Variants in TTC14 observed in about 807,000 individuals in gnomAD.
TTC14 encodes tetratricopeptide repeat protein 14.
A neutral mutation model predicts 79.9 loss-of-function variants in TTC14; 63 were observed. The observed-to-expected ratio is 0.79, with a 90% CI of 0.64 to 0.97. The LOEUF is 0.97. Ranked by LOEUF, TTC14 falls within the 50% of genes least tolerant of loss-of-function variation. TTC14 has a pLI of 0.00. For missense variants in TTC14, 895 were observed against 894.0 expected, an observed-to-expected ratio of 1.00 and a Z score of -0.01; for synonymous variants, 335 against 309.6, an observed-to-expected ratio of 1.08 and a Z score of -0.86.
At chr3:180,602,643 C>A in intron 1 of TTC14, 2 of 713,488 alleles carry the variant, frequency 2.8e-6, no homozygotes, top group South Asian at 2.0e-5. Flanking sequence ...GGTAGAGGCG[C>A]AGATTCCTTA....
chr3:180,604,332 TA>T (rs1290926805), intron 4 of TTC14, 23 bp downstream of exon 4: 1 of 1,598,472 alleles, frequency 6.3e-7, no homozygotes, highest in African/African-American at 1.3e-5. Context: ...ATCATACTAA[TA>T]AAAAAGTAAT....
intron 5 of TTC14, 118 bp downstream of exon 5, chr3:180,604,725 A>C: frequency 2.1e-6 from 3 of 1,420,384 alleles, no homozygotes; most frequent in Non-Finnish European, 2.9e-6. Context: ...ACCATATCAT[A>C]ATATTGCCAC....
chr3:180,617,098 C>T, intron 12 of TTC14: 1 of 578,682 alleles, frequency 1.7e-6, no homozygotes. Context: ...TGTTGATGTA[C>T]CTCTTAATGA....
downstream of TTC14, among the ~76,000 whole-genome samples, chr3:180,618,210 A>G (rs1383264819): frequency 6.6e-6 from 1 of 152,164 alleles, no homozygotes; most frequent in East Asian, 1.9e-4. Flanking sequence ...ATCAGAACAC[A>G]TTCCCATTGT....
At position 180,609,951 on chromosome 3, in the gene TTC14, A is replaced by G. The variant is rs1716901213; in HGVS notation, c.1722A>G (p.Lys574=). 1.2e-6 allele frequency: 2 copies of G among 1,614,062 alleles called. No homozygotes were observed. Among genetic ancestry groups the G allele is most frequent in the South Asian group, 1.1e-5 (1 of 91,084 alleles). ...ATGAAAAGACACAGATAAAAGAGAA[A>G]GATAGATGCCCTCTCTCTTCATCTT... ...LQYEKTQIKE[K]DRCPLSSSSL... is the part of the protein sequence containing the mutation. Residue 574 remains lysine (K), a synonymous_variant, in exon 12 of 12, where the codon AAA becomes AAG. Transcript: ENST00000296015.
chr3:180,610,986 C>G lies in TTC14; in HGVS notation c.*444C>G. The G allele has an allele frequency of 1.1e-6, 1 of 944,386 alleles. No individual in the cohort carries two copies. Among genetic ancestry groups the G allele is most frequent in the Non-Finnish European group, 1.3e-6 (1 of 792,856 alleles). 58.5% of individuals were successfully genotyped at this position (944,386 alleles called of 1,614,324 possible). A position where few individuals can be genotyped will look rare whatever the true frequency, so the allele number is the denominator to read the frequency against. On this transcript the variant is annotated 3_prime_UTR_variant, in exon 12 of 12. Coordinates refer to ENST00000296015, the MANE Select transcript of TTC14 (RefSeq NM_133462.4). ...GTCAGCTTTTGAAAGATTATATGTTCGAATGTTTCTTGAACACTTTTATAT... is the reference window on the plus strand; with the variant it reads ...GTCAGCTTTTGAAAGATTATATGTTGGAATGTTTCTTGAACACTTTTATAT...
intron 9 of TTC14, 37 bp downstream of exon 9, chr3:180,606,640 T>C (rs775602592): frequency 6.4e-7 from 1 of 1,571,466 alleles, no homozygotes; most frequent in Non-Finnish European, 8.6e-7. Context: ...GGAGGTCTAA[T>C]GTTCAACCAA....
In TTC14 at chr3:180,610,232, A is replaced by C. The variant is rs199511375; in HGVS notation, c.2003A>C (p.His668Pro). The part of the protein sequence containing the change: ...YRRWEPGSVR[H>P]STSPASSEYS... ...AGGTGGGAACCAGGTTCTGTGAGGC[A>C]TTCTACCTCACCAGCAAGCTCAGAA... The change falls in exon 12 of 12, where the codon CAT becomes CCT. Residue 668 changes from histidine (H) to proline (P), a missense_variant. By Grantham distance (77) the His-to-Pro change is moderately conservative. Coordinates refer to ENST00000296015, the MANE Select transcript of TTC14 (RefSeq NM_133462.4). 6 of 1,614,026 alleles carry C rather than the reference A, an allele frequency of 3.7e-6. No individual in the cohort carries two copies. The highest frequency in any genetic ancestry group is 5.1e-6 in the Non-Finnish European group (6 of 1,179,944).
At chr3:180,609,530 CT>C (rs2108397471) in intron 11 of TTC14, 99 bp from the exon 12 acceptor site, 2 of 1,361,698 alleles carry the variant, frequency 1.5e-6, no homozygotes, top group East Asian at 5.4e-5. Flanking sequence ...TGAACCACAG[CT>C]TTTATAAAAT....
At position 180,602,876 on chromosome 3, in the gene TTC14, T is replaced by C. The variant is rs532512780; in HGVS notation, c.162-15T>C. ...CAGATAACCCAATTTTCATATATAT[T>C]TTTTTCTTTTTAAGAAAAGAGAAGA... On this transcript the variant is annotated splice_polypyrimidine_tract_variant and intron_variant, in intron 1 of 11. Coordinates refer to ENST00000296015, the MANE Select transcript of TTC14 (RefSeq NM_133462.4). 2 of 1,596,064 alleles carry C rather than the reference T, an allele frequency of 1.3e-6. No individual in the cohort carries two copies. The highest frequency in any genetic ancestry group is 1.7e-6 in the Non-Finnish European group (2 of 1,174,604).
chr3:180,602,749 T>G, intron 1 of TTC14, 142 bp from the exon 2 acceptor site: 1 of 1,003,062 alleles, frequency 1.0e-6, no homozygotes, highest in Non-Finnish European at 1.4e-6. Context: ...AGGGAATGCC[T>G]AGTTAAAACT....
downstream of TTC14, chr3:180,613,994 C>T: frequency 2.7e-6 from 1 of 369,668 alleles, no homozygotes; most frequent in Middle Eastern, 3.8e-4. Context: ...TTGAAGGAGA[C>T]ACATGTACAT....
rs1716411607 is a variant in TTC14, at chr3:180,602,409, C to T, written c.148C>T (p.Pro50Ser). The change falls in exon 1 of 12, where the codon CCG becomes TCG. Residue 50 changes from proline (P) to serine (S), a missense_variant. Coordinates refer to ENST00000296015, the MANE Select transcript of TTC14 (RefSeq NM_133462.4). ...AGCCCGGGGCCCGCCGCCCCAGCAC[C>T]CGTTGCAGGGCAGGTAATGAGACGT... is the stretch of plus-strand genomic sequence containing the variant. ...EPARGPPPQHPLQGRKEKRVD... is the reference protein window; with the variant it reads ...EPARGPPPQHSLQGRKEKRVD... The T allele has an allele frequency of 6.2e-7, 1 of 1,605,876 alleles. No homozygotes were observed. The highest frequency in any genetic ancestry group is 1.3e-5 in the African/African-American group (1 of 74,886).
At chr3:180,607,012 A>G (rs1716736691) in intron 9 of TTC14, among the ~76,000 whole-genome samples, 1 of 152,170 alleles carries the variant, frequency 6.6e-6, no homozygotes. Flanking sequence ...AATACCCTGT[A>G]GTTACCTAAG....
chr3:180,610,831 T>C lies in TTC14; in HGVS notation c.*289T>C. On this transcript the variant is annotated 3_prime_UTR_variant, in exon 12 of 12. Transcript: ENST00000296015. ...ATTCTCTGAAAGTACTGTTTCTTCA[T>C]TCTATTGCGGTATATGAGAATTCCT... 9.9e-7 allele frequency: 1 copy of C among 1,011,288 alleles called. No homozygotes were observed. Among genetic ancestry groups the C allele is most frequent in the Non-Finnish European group, 1.2e-6 (1 of 846,428 alleles). The allele number at this position is 1,011,288 out of a possible 1,614,324, so 62.6% of individuals were successfully genotyped here. A position where few individuals can be genotyped will look rare whatever the true frequency, so the allele number is the denominator to read the frequency against.
exon 13 of TTC14, chr3:180,617,755 A>G: frequency 2.9e-6 from 1 of 348,538 alleles, no homozygotes; most frequent in Non-Finnish European, 5.1e-6. Flanking sequence ...AAAAATGTTT[A>G]AAGTTAAAAA....
chr3:180,610,157 G>C lies in TTC14; in HGVS notation c.1928G>C (p.Gly643Ala). Residue 643 changes from glycine to alanine, a missense_variant, in exon 12 of 12, where the codon GGT (glycine) becomes GCT (alanine). By Grantham distance (60) the Gly-to-Ala change is moderately conservative. Transcript: ENST00000296015. ...AGGAATTCAGAGGACAAGATTTATGGTTATAGGAGATTTGAAAAGGATATA... is the reference window on the plus strand; with the variant it reads ...AGGAATTCAGAGGACAAGATTTATGCTTATAGGAGATTTGAAAAGGATATA... The part of the protein sequence containing the change: ...FCRNSEDKIY[G>A]YRRFEKDIEG... 1.9e-6 allele frequency: 3 copies of C among 1,613,168 alleles called. No individual in the cohort carries two copies. The highest frequency in any genetic ancestry group is 1.3e-5 in the African/African-American group (1 of 74,916).
Position 180,616,605 on chromosome 3 carries a change from GTTTCA to G in TTC14, c.1775-769_1775-765del. 6.3e-7 allele frequency: 1 copy of G among 1,598,582 alleles called. No individual in the cohort carries two copies. The highest frequency in any genetic ancestry group is 8.5e-7 in the Non-Finnish European group (1 of 1,172,014). ...ATTTCATCAATAACTTTGTGAAACTGTTTCATTTCACGAAGTTTGATGTCTTGTTC... is the reference window on the plus strand; with the variant it reads ...ATTTCATCAATAACTTTGTGAAACTGTTTCACGAAGTTTGATGTCTTGTTC... On this transcript the variant is annotated intron_variant, in intron 12 of 12. Transcript: ENST00000382584.
At chr3:180,613,796 A>C, downstream of TTC14, 1 of 452,612 alleles carries the variant, frequency 2.2e-6, no homozygotes, top group South Asian at 1.6e-5. Context: ...TACTTTAGCC[A>C]AAAATTTTAT....
Sources: gnomAD v4.1 joint callset for allele counts (sites outside exome capture counted in the v4.1 genomes callset) on GRCh38, gnomAD v4.1.1 for gene constraint, MANE v1.5 for transcripts, NCBI Gene and HGNC (gene_info 2026-07-23, HGNC 2026-07-21) for gene names.